The following DUSP16 variants were observed in gnomAD, a reference collection of about 807,000 sequenced individuals.
DUSP16 encodes dual specificity protein phosphatase 16.
In DUSP16, 21 loss-of-function variants were observed where a neutral mutation model predicts 58.3. The ratio of observed to expected loss-of-function variants is 0.36; its 90% CI spans 0.26 to 0.52. DUSP16 has a LOEUF of 0.52. DUSP16 is among the 20% of genes least tolerant of loss of function. The pLI, the probability that DUSP16 is intolerant of heterozygous loss-of-function variation, is 0.94. For missense variants in DUSP16, 726 were observed against 819.0 expected, an observed-to-expected ratio of 0.89 and a Z score of 1.39; for synonymous variants, 320 against 323.8, an observed-to-expected ratio of 0.99 and a Z score of 0.12.
At position 12,477,308 on chromosome 12, in the gene DUSP16, C is replaced by G. The variant is rs1405964121; in HGVS notation, c.1523G>C (p.Ser508Thr). The change falls in exon 7 of 7, where the codon AGC becomes ACC. Residue 508 changes from serine (S) to threonine (T), a missense_variant. Coordinates refer to ENST00000298573, the MANE Select transcript of DUSP16 (RefSeq NM_030640.3). This position sits in a 1 kb window ranked among gnomAD's most constrained non-coding sequence, Gnocchi z 4.1. The part of the protein sequence containing the change: ...SLLSPLHRSG[S>T]VEDNYHTSFL... ...GCTGGTGTGGTAATTGTCCTCCACG[C>G]TCCCACTTCGATGCAGTGGAGATAA... 3 of 1,614,252 alleles carry G rather than the reference C, an allele frequency of 1.9e-6. No homozygotes were observed. The highest frequency in any genetic ancestry group is 2.5e-6 in the Non-Finnish European group (3 of 1,180,056).
chr12:12,476,789 C>G lies in DUSP16; in HGVS notation c.*44G>C, dbSNP rs751069705. ...GATTTACAGGGAATTTTTTTGTGAA[C>G]AAGAAAAAAAAATTGTCTATAGAAG... On this transcript the variant is annotated 3_prime_UTR_variant, in exon 7 of 7. Coordinates refer to ENST00000298573, the MANE Select transcript of DUSP16 (RefSeq NM_030640.3). The G allele has an allele frequency of 6.6e-7, 1 of 1,507,842 alleles. No individual in the cohort carries two copies. Among genetic ancestry groups the G allele is most frequent in the African/African-American group, 1.4e-5 (1 of 71,408 alleles). The allele number at this position is 1,507,842 out of a possible 1,614,324, so 93.4% of individuals were successfully genotyped here. A position where few individuals can be genotyped will look rare whatever the true frequency, so the allele number is the denominator to read the frequency against.
intron 1 of DUSP16, among the ~76,000 whole-genome samples, chr12:12,557,733 T>A (rs944311771): frequency 6.6e-6 from 1 of 152,212 alleles, no homozygotes; most frequent in African/African-American, 2.4e-5. Context: ...ATCACTTTTT[T>A]AATGTACTGT....
chr12:12,482,333 A>AC (rs1434260657), intron 5 of DUSP16, among the ~76,000 whole-genome samples: 1 of 152,352 alleles, frequency 6.6e-6, no homozygotes, highest in East Asian at 1.9e-4. Flanking sequence ...AACATGCGTT[A>AC]CGATGTTGAG....
intron 1 of DUSP16, 106 bp from the exon 2 acceptor site, chr12:12,521,569 T>A: frequency 2.6e-6 from 1 of 380,154 alleles, no homozygotes; most frequent in Non-Finnish European, 3.6e-6. Flanking sequence ...TCCATTAATC[T>A]AATTCCATAC....
At chr12:12,531,231 A>G in intron 1 of DUSP16, among the ~76,000 whole-genome samples, 1 of 152,216 alleles carries the variant, frequency 6.6e-6, no homozygotes, top group East Asian at 1.9e-4. Context: ...AGGAGCAAGC[A>G]ATGGAATGCA....
chr12:12,553,502 C>A (rs562320147), intron 1 of DUSP16, among the ~76,000 whole-genome samples: 1 of 152,200 alleles, frequency 6.6e-6, no homozygotes, highest in African/African-American at 2.4e-5. Context: ...ACTATTATTA[C>A]AAGATCTCAA....
chr12:12,500,525 G>A lies in DUSP16; in HGVS notation c.525C>T (p.Leu175=), dbSNP rs1943893113. Residue 175 remains leucine (L), a synonymous_variant, in exon 4 of 7, where the codon CTC becomes CTT. Transcript: ENST00000298573. ...NLYLGCQRDV[L]NKELMQQNGI... is the part of the protein sequence containing the mutation. Reference sequence around the variant, plus strand: ...ATATTTTCAAAGCACCCACCTTGTTGAGGACATCTCGCTGGCAGCCAAGAT... The same window carrying A: ...ATATTTTCAAAGCACCCACCTTGTTAAGGACATCTCGCTGGCAGCCAAGAT... 1 of 1,607,086 alleles carries A rather than the reference G, an allele frequency of 6.2e-7. No homozygotes were observed. The highest frequency in any genetic ancestry group is 8.5e-7 in the Non-Finnish European group (1 of 1,177,466).
At chr12:12,481,995 C>G (rs1283292199) in intron 5 of DUSP16, among the ~76,000 whole-genome samples, 1 of 152,162 alleles carries the variant, frequency 6.6e-6, no homozygotes, top group Non-Finnish European at 1.5e-5. Context: ...ATTATTGCTC[C>G]TTTATACCAT....
intron 1 of DUSP16, 48 bp from the exon 2 acceptor site, chr12:12,521,511 GAAGA>G: frequency 3.4e-6 from 3 of 884,626 alleles, no homozygotes; most frequent in South Asian, 8.5e-5. Flanking sequence ...GTCAAAAAAA[GAAGA>G]AAGAGTGTCA....
At chr12:12,517,107 C>T (rs1269513080) in intron 3 of DUSP16, among the ~76,000 whole-genome samples, 4 of 152,184 alleles carry the variant, frequency 2.6e-5, no homozygotes, top group Non-Finnish European at 5.9e-5. Context: ...GTCATTCTTC[C>T]GTGGGTAAGG....
intron 3 of DUSP16, among the ~76,000 whole-genome samples, chr12:12,508,927 A>G (rs1944036163): frequency 2.6e-5 from 4 of 152,242 alleles, no homozygotes; most frequent in Admixed American, 2.0e-4. Flanking sequence ...ATGACTCAGA[A>G]TGTCCAGATC....
At chr12:12,508,387 A>G (rs984815086) in intron 3 of DUSP16, among the ~76,000 whole-genome samples, 1 of 152,250 alleles carries the variant, frequency 6.6e-6, no homozygotes, top group African/African-American at 2.4e-5. Context: ...AAAATATGTA[A>G]CTAATGTTTC....
chr12:12,519,601 T>C (rs985422903), intron 3 of DUSP16, among the ~76,000 whole-genome samples: 3 of 152,220 alleles, frequency 2.0e-5, no homozygotes, highest in Admixed American at 2.0e-4. Context: ...GCTATCCATA[T>C]GGGTGTGCAA....
Position 12,476,599 on chromosome 12 carries a change from A to G in DUSP16, c.*234T>C. ...TGAATAAAATGGTTTTCCTCCGTCT[A>G]GGGGGGATTCTAGCATCTGCCCTTC... is the stretch of plus-strand genomic sequence containing the variant. On this transcript the variant is annotated 3_prime_UTR_variant, in exon 7 of 7. Transcript: ENST00000298573. 1 of 464,238 alleles carries G rather than the reference A, an allele frequency of 2.2e-6. No homozygotes were observed. Among genetic ancestry groups the G allele is most frequent in the East Asian group, 3.7e-5 (1 of 27,296 alleles). The allele number at this position is 464,238 out of a possible 1,614,324, so 28.8% of individuals were successfully genotyped here. A position where few individuals can be genotyped will look rare whatever the true frequency, so the allele number is the denominator to read the frequency against.
intron 1 of DUSP16, among the ~76,000 whole-genome samples, chr12:12,551,062 G>A (rs1464536885): frequency 1.3e-5 from 2 of 151,674 alleles, no homozygotes; most frequent in African/African-American, 4.8e-5. Flanking sequence ...ATTATCTTGG[G>A]GAAAAGCATT....
intron 3 of DUSP16, among the ~76,000 whole-genome samples, chr12:12,505,760 T>C (rs1026778885): frequency 6.6e-6 from 1 of 152,150 alleles, no homozygotes; most frequent in Non-Finnish European, 1.5e-5. Context: ...AAAGAAACCA[T>C]TGTTCAGCTT....
intron 3 of DUSP16, among the ~76,000 whole-genome samples, chr12:12,516,866 C>T (rs184452932): frequency 2.0e-5 from 3 of 152,124 alleles, no homozygotes; most frequent in Non-Finnish European, 4.4e-5. Flanking sequence ...CTAGGCCTTG[C>T]GGGAACACAA....
chr12:12,536,283 GACT>G (rs1944461511), intron 1 of DUSP16, among the ~76,000 whole-genome samples: 2 of 152,172 alleles, frequency 1.3e-5, no homozygotes, highest in Admixed American at 6.5e-5. Context: ...TGGCTATCTA[GACT>G]ACATGATTGA....
intron 4 of DUSP16, 105 bp downstream of exon 4, chr12:12,500,414 C>G: frequency 7.5e-7 from 1 of 1,331,590 alleles, no homozygotes; most frequent in South Asian, 1.6e-5. Flanking sequence ...AATGGCATAG[C>G]AGCTCCTGAG....
Sources: allele counts gnomAD v4.1 joint callset (sites outside exome capture counted in the v4.1 genomes callset), GRCh38; gene constraint gnomAD v4.1.1; non-coding constraint Gnocchi (gnomAD v3.1); transcripts MANE v1.5; gene names NCBI Gene and HGNC (gene_info 2026-07-23, HGNC 2026-07-21).